TMEM217: variants seen among roughly 807,000 people sequenced by gnomAD.
TMEM217 encodes transmembrane protein 217, also known as chromosome 6 open reading frame 128.
For missense variants in TMEM217, 204 were observed against 248.8 expected (o/e 0.82, Z 1.21); for synonymous variants, 76 against 88.3 (o/e 0.86, Z 0.78).
In TMEM217 at chr6:37,225,814, A is replaced by G. The variant is rs138280548; in HGVS notation, c.-11-6773T>C. Among the ~76,000 whole-genome samples, 3 of 152,320 alleles carry G rather than the reference A, an allele frequency of 2.0e-5. No homozygotes were observed. In the East Asian group the frequency reaches 5.8e-4, roughly 29 times the overall value. On this transcript the variant is annotated intron_variant, in intron 1 of 1. Transcript: ENST00000357219. ...TGGCCCCATGACCAACGGGATGCAA[A>G]TGCAAGTGATGGGTGCCACTTTACA...
chr6:37,238,155 A>G (rs1412016800), intron 1 of TMEM217, among the ~76,000 whole-genome samples: 1 of 99,836 alleles, frequency 1.0e-5, no homozygotes, highest in Non-Finnish European at 2.1e-5. Context: ...ATAAAGTAGA[A>G]TTAAAAACAC....
At chr6:37,252,537 CATGT>C (rs936044746) in intron 1 of TMEM217, among the ~76,000 whole-genome samples, 28 of 149,672 alleles carry the variant, frequency 1.9e-4, no homozygotes, top group African/African-American at 6.2e-4. Flanking sequence ...TATATGTCAA[CATGT>C]ATATGTTGTG....
At chr6:37,236,168 A>C (rs549061396) in intron 1 of TMEM217, among the ~76,000 whole-genome samples, 1 of 152,286 alleles carries the variant, frequency 6.6e-6, no homozygotes, top group Admixed American at 6.5e-5. Context: ...ATTTAAAAAA[A>C]CAGAGACATG....
chr6:37,229,354 T>TTTTTC (rs1764058209), intron 1 of TMEM217, among the ~76,000 whole-genome samples: 1 of 140,844 alleles, frequency 7.1e-6, no homozygotes, highest in Non-Finnish European at 1.5e-5. Context: ...TTTTTTTTTT[T>TTTTTC]TTTTTTGAGA....
intron 1 of TMEM217, among the ~76,000 whole-genome samples, chr6:37,226,459 A>AT (rs1262666941): frequency 2.0e-3 from 285 of 144,104 alleles, no homozygotes; most frequent in East Asian, 7.5e-3. Flanking sequence ...CGCCCAGCTA[A>AT]TTTTTTTTTT....
chr6:37,213,695 C>T (rs569200678), downstream of TMEM217, among the ~76,000 whole-genome samples: 193 of 152,362 alleles, frequency 1.3e-3, 1 homozygote, highest in African/African-American at 4.3e-3. Context: ...TGGCAGGGAG[C>T]AGGAACCTGG....
chr6:37,230,438 GC>G (rs1290100622), intron 1 of TMEM217, among the ~76,000 whole-genome samples: 1 of 152,148 alleles, frequency 6.6e-6, no homozygotes, highest in Non-Finnish European at 1.5e-5. Flanking sequence ...CCGCAGCACT[GC>G]AGAATGTGAC....
At chr6:37,222,021 A>G (rs1328074194) in intron 1 of TMEM217, among the ~76,000 whole-genome samples, 3 of 152,082 alleles carry the variant, frequency 2.0e-5, no homozygotes, top group Non-Finnish European at 4.4e-5. Context: ...CTATCAGCAG[A>G]GAGGATAGCT....
downstream of TMEM217, chr6:37,215,226 GTGCTGGGGGC>G: frequency 1.2e-6 from 2 of 1,613,926 alleles, no homozygotes; most frequent in Non-Finnish European, 1.7e-6. Flanking sequence ...GTATCTACAG[GTGCTGGGGGC>G]TGAGCTTGGC....
rs193073246 is a variant in TMEM217, at chr6:37,223,184, T to A, written c.-11-4143A>T. Among the ~76,000 whole-genome samples, 25 of 150,630 alleles carry A rather than the reference T, an allele frequency of 1.7e-4. No individual in the cohort carries two copies. In the South Asian group the frequency reaches 2.3e-3, roughly 14 times the overall value. Reference sequence around the variant, plus strand: ...ATAGAGAAAGAGAGATGAGACAAAATGGGGGTAGCATATTTACAGAGAAAA... The same window carrying A: ...ATAGAGAAAGAGAGATGAGACAAAAAGGGGGTAGCATATTTACAGAGAAAA... On this transcript the variant is annotated intron_variant, in intron 1 of 1. Transcript: ENST00000357219.
intron 1 of TMEM217, among the ~76,000 whole-genome samples, chr6:37,239,243 G>A (rs1764642187): frequency 6.6e-6 from 1 of 152,146 alleles, no homozygotes; most frequent in Non-Finnish European, 1.5e-5. Context: ...AATTCCAGCA[G>A]TTTGGGAGGC....
At chr6:37,214,208 C>A (rs9470543), downstream of TMEM217, among the ~76,000 whole-genome samples, 8,941 of 152,204 alleles carry the variant, frequency 0.059, 734 homozygotes, top group African/African-American at 0.18. Context: ...TATCGCTATC[C>A]ATCTCCAGAA....
exon 2 of TMEM217, chr6:37,218,184 T>G (rs1763322211): frequency 4.2e-6 from 5 of 1,186,202 alleles, no homozygotes; most frequent in South Asian, 3.1e-5. Flanking sequence ...TTTTTTTTTT[T>G]TGGGGGACAG....
chr6:37,251,224 G>A (rs763494695), intron 1 of TMEM217, among the ~76,000 whole-genome samples: 14 of 152,088 alleles, frequency 9.2e-5, no homozygotes, highest in Non-Finnish European at 1.9e-4. Context: ...GTAATGTGCC[G>A]ACAGGAAACA....
intron 1 of TMEM217, among the ~76,000 whole-genome samples, chr6:37,231,255 A>G (rs1188158774): frequency 1.4e-5 from 2 of 140,338 alleles, no homozygotes; most frequent in Non-Finnish European, 3.1e-5. Context: ...TTTTTTGTAG[A>G]AACGGGCTTT....
intron 1 of TMEM217, among the ~76,000 whole-genome samples, chr6:37,234,338 G>A (rs886392593): frequency 6.6e-6 from 1 of 152,160 alleles, no homozygotes; most frequent in Admixed American, 6.5e-5. Flanking sequence ...GACCTCAGAT[G>A]ATCCTCCTGC....
intron 1 of TMEM217, among the ~76,000 whole-genome samples, chr6:37,237,465 T>C (rs1230382184): frequency 6.6e-6 from 1 of 152,186 alleles, no homozygotes; most frequent in African/African-American, 2.4e-5. Context: ...GGCAAGTCGT[T>C]TGCAAGAAAT....
At chr6:37,244,779 G>GGCTGA (rs1369173554) in intron 1 of TMEM217, among the ~76,000 whole-genome samples, 1 of 152,204 alleles carries the variant, frequency 6.6e-6, no homozygotes, top group East Asian at 1.9e-4. Flanking sequence ...GGCTGGGCTG[G>GGCTGA]GCTGAGCTGA....
intron 1 of TMEM217, among the ~76,000 whole-genome samples, chr6:37,240,680 A>G (rs960360887): frequency 1.1e-4 from 16 of 152,236 alleles, no homozygotes; most frequent in East Asian, 1.9e-4. Context: ...GAGGCCGGCT[A>G]TCACATCTCT....
Sources: gnomAD v4.1 joint callset for allele counts (sites outside exome capture counted in the v4.1 genomes callset) on GRCh38, gnomAD v4.1.1 for gene constraint, MANE v1.5 for transcripts, NCBI Gene and HGNC (gene_info 2026-07-23, HGNC 2026-07-21) for gene names.